The following DIS3L2 variants were observed in gnomAD, a reference collection of about 807,000 sequenced individuals.
DIS3L2 encodes the protein DIS3 like 3'-5' exoribonuclease 2, also known as DIS3-like exonuclease 2.
Under a neutral mutation model 97.5 loss-of-function variants are expected in DIS3L2, and 34 were observed. That is an observed-to-expected ratio of 0.35 (90% CI 0.27 to 0.46). DIS3L2 has a LOEUF of 0.46. DIS3L2 is among the 20% of genes least tolerant of loss of function. The pLI is 1.00. For missense variants in DIS3L2, 1,038 were observed against 1,146.0 expected (o/e 0.91, Z 1.36); for synonymous variants, 435 against 445.2 (o/e 0.98, Z 0.29).
chr2:232,116,930 C>A, intron 6 of DIS3L2, among the ~76,000 whole-genome samples: 1 of 152,188 alleles, frequency 6.6e-6, no homozygotes, highest in Admixed American at 6.5e-5. Flanking sequence ...CAGCCGTCCA[C>A]GCTTCATAGC....
chr2:232,145,269 A>G (rs1431560428), intron 8 of DIS3L2, among the ~76,000 whole-genome samples: 2 of 152,130 alleles, frequency 1.3e-5, no homozygotes, highest in Non-Finnish European at 2.9e-5. Context: ...TCCTGTTATT[A>G]ATGGTATCTT....
chr2:232,165,850 G>C (rs187205327), intron 9 of DIS3L2, among the ~76,000 whole-genome samples: 1 of 152,098 alleles, frequency 6.6e-6, no homozygotes, highest in Admixed American at 6.5e-5. Context: ...AAAGTAACTT[G>C]TATAACTTTA....
intron 6 of DIS3L2, among the ~76,000 whole-genome samples, chr2:232,093,317 TA>T (rs1490597689): frequency 6.6e-6 from 1 of 152,106 alleles, no homozygotes; most frequent in East Asian, 1.9e-4. Context: ...ATTTTTGCAT[TA>T]ATATTCATCA....
chr2:232,058,575 T>C (rs1442256063), intron 5 of DIS3L2, among the ~76,000 whole-genome samples: 1 of 152,212 alleles, frequency 6.6e-6, no homozygotes, highest in Non-Finnish European at 1.5e-5. Context: ...GATGTCACTG[T>C]CACCAATTAT....
chr2:232,284,316 G>C (rs1184994148), intron 13 of DIS3L2, among the ~76,000 whole-genome samples: 1 of 152,190 alleles, frequency 6.6e-6, no homozygotes, highest in Admixed American at 6.5e-5. Flanking sequence ...GGCTGCAGTT[G>C]TGTGACCCAG....
chr2:232,066,959 T>C (rs1449766863), intron 5 of DIS3L2, among the ~76,000 whole-genome samples: 1 of 152,150 alleles, frequency 6.6e-6, no homozygotes, highest in African/African-American at 2.4e-5. Flanking sequence ...TTTTAATGTC[T>C]GTAAGATTTT....
intron 7 of DIS3L2, among the ~76,000 whole-genome samples, chr2:232,133,123 C>A (rs1698264923): frequency 6.6e-6 from 1 of 152,134 alleles, no homozygotes; most frequent in African/African-American, 2.4e-5. Context: ...CACTGGGCAG[C>A]CAGGTAGCAC....
chr2:231,967,261 A>G (rs2119060), intron 1 of DIS3L2, among the ~76,000 whole-genome samples: 2,487 of 152,330 alleles, frequency 0.016, 69 homozygotes, highest in African/African-American at 0.057. Flanking sequence ...AGGAAGTTAT[A>G]TAATGCTAAT....
At chr2:231,970,441 G>T (rs1222752678) in intron 1 of DIS3L2, among the ~76,000 whole-genome samples, 1 of 152,148 alleles carries the variant, frequency 6.6e-6, no homozygotes, top group Non-Finnish European at 1.5e-5. Context: ...AGCCTGTGGC[G>T]CTTAGGCTAC....
intron 13 of DIS3L2, among the ~76,000 whole-genome samples, chr2:232,278,645 G>A (rs1694207736): frequency 6.6e-6 from 1 of 152,232 alleles, no homozygotes; most frequent in South Asian, 2.1e-4. Context: ...GTGTATCAGT[G>A]GTCATTCCCT....
chr2:232,131,053 G>T, intron 7 of DIS3L2: 1 of 239,950 alleles, frequency 4.2e-6, no homozygotes, highest in Non-Finnish European at 7.9e-6. Flanking sequence ...TGGAGAAGCA[G>T]TATGAATATA....
chr2:231,979,079 T>TA (rs1693176429), intron 1 of DIS3L2, among the ~76,000 whole-genome samples: 1 of 152,146 alleles, frequency 6.6e-6, no homozygotes, highest in Admixed American at 6.5e-5. Context: ...TTTTGATTTT[T>TA]AAAATTTGAG....
intron 5 of DIS3L2, among the ~76,000 whole-genome samples, chr2:232,068,999 T>C (rs1351286114): frequency 6.6e-6 from 1 of 152,008 alleles, no homozygotes; most frequent in Non-Finnish European, 1.5e-5. Flanking sequence ...ATATTTGTAT[T>C]AGAGACAGGG....
At chr2:232,087,854 A>G in intron 6 of DIS3L2, 133 bp downstream of exon 6, 1 of 695,630 alleles carries the variant, frequency 1.4e-6, no homozygotes, top group South Asian at 2.1e-5. Context: ...CAGCTTTCAG[A>G]AAAGGGGGAT....
rs566964603 is a variant in DIS3L2, at chr2:232,103,352, T to C, written c.601+15631T>C. The stretch of plus-strand genomic sequence containing the variant: ...TCCAATATTAAACCCTCAAGCACAA[T>C]GCTGGTTATTGGCTTGAGACCAAGT... On this transcript the variant is annotated intron_variant, in intron 6 of 20. Coordinates refer to ENST00000325385, the MANE Select transcript of DIS3L2 (RefSeq NM_152383.5). 1.2e-4 allele frequency among the ~76,000 whole-genome samples: 19 copies of C among 152,186 alleles called. 1 individual carries two copies. The South Asian group carries it at 1.5e-3, about 12-fold the overall frequency.
At chr2:232,250,768 G>A (rs1319076400) in intron 12 of DIS3L2, among the ~76,000 whole-genome samples, 2 of 152,122 alleles carry the variant, frequency 1.3e-5, no homozygotes, top group African/African-American at 4.8e-5. Flanking sequence ...CATACTGAAC[G>A]TTAAGAGTGT....
At chr2:232,330,588 T>G in intron 15 of DIS3L2, 102 bp from the exon 16 acceptor site, 1 of 1,213,038 alleles carries the variant, frequency 8.2e-7, no homozygotes. Context: ...AGGCAACTCC[T>G]CCCCCCAGAG....
In DIS3L2 at chr2:232,163,585, G is replaced by A. The variant is rs1690719175; in HGVS notation, c.1077G>A (p.Leu359=). Residue 359 remains leucine (L), a synonymous_variant, in exon 9 of 21, where the codon CTG becomes CTA. Transcript: ENST00000325385. ...TTCTAGAATGTCTTCCTCAAGGCCT[G>A]CCATGGACAATTCCACCAGAGGAGT... ...SEVLECLPQG[L]PWTIPPEEFS... The A allele has an allele frequency of 6.2e-7, 1 of 1,613,910 alleles. No homozygotes were observed. Among genetic ancestry groups the A allele is most frequent in the Admixed American group, 1.7e-5 (1 of 60,004 alleles).
chr2:232,240,533 A>G (rs973194035), intron 11 of DIS3L2, among the ~76,000 whole-genome samples: 1 of 152,180 alleles, frequency 6.6e-6, no homozygotes, highest in Non-Finnish European at 1.5e-5. Flanking sequence ...AATTAGTGAG[A>G]ATAGTTAGCT....
Sources: gnomAD v4.1 joint callset for allele counts (sites outside exome capture counted in the v4.1 genomes callset) on GRCh38, gnomAD v4.1.1 for gene constraint, MANE v1.5 for transcripts, NCBI Gene and HGNC (gene_info 2026-07-23, HGNC 2026-07-21) for gene names.